The following ABTB2 variants were observed in gnomAD, a reference collection of about 807,000 sequenced individuals.
The protein encoded by ABTB2 is ankyrin repeat and BTB domain containing 2.
In ABTB2, 56 loss-of-function variants were observed where a neutral mutation model predicts 104.1. The ratio of observed to expected loss-of-function variants is 0.54; its 90% CI spans 0.43 to 0.67. The LOEUF is 0.67. ABTB2 is among the 30% of genes least tolerant of loss of function. The probability of loss-of-function intolerance (pLI) is 0.00; values close to 1 mark genes in which losing one functional copy is unlikely to be tolerated. For synonymous variants in ABTB2, 606 were observed against 608.2 expected (o/e 1.00, Z 0.05); for missense variants, 1,279 against 1,407.7 (o/e 0.91, Z 1.46).
intron 1 of ABTB2, among the ~76,000 whole-genome samples, chr11:34,208,806 C>T (rs142064418): frequency 6.6e-6 from 1 of 152,072 alleles, no homozygotes; most frequent in South Asian, 2.1e-4. Flanking sequence ...CATCAACCAC[C>T]AAGCCTTGCT....
At chr11:34,233,514 C>G (rs1181033307) in intron 1 of ABTB2, among the ~76,000 whole-genome samples, 2 of 152,028 alleles carry the variant, frequency 1.3e-5, no homozygotes, top group Admixed American at 1.3e-4. Flanking sequence ...CCACACCCAG[C>G]TAAGTTTCTA....
intron 11 of ABTB2, 103 bp downstream of exon 11, chr11:34,160,800 G>C: frequency 7.7e-7 from 1 of 1,292,518 alleles, no homozygotes; most frequent in South Asian, 1.4e-5. Flanking sequence ...TTGGGTGAGG[G>C]GGTCCCTGTG....
At chr11:34,199,129 C>A (rs1438677594) in intron 2 of ABTB2, among the ~76,000 whole-genome samples, 1 of 152,212 alleles carries the variant, frequency 6.6e-6, no homozygotes, top group East Asian at 1.9e-4. Context: ...ATTCACCTTA[C>A]ACATTCATTT....
At chr11:34,247,977 G>C (rs1854005278) in intron 1 of ABTB2, among the ~76,000 whole-genome samples, 1 of 152,020 alleles carries the variant, frequency 6.6e-6, no homozygotes, top group East Asian at 1.9e-4. Flanking sequence ...CAAGCACAGG[G>C]AGAAAGAATA....
intron 1 of ABTB2, among the ~76,000 whole-genome samples, chr11:34,342,726 G>A (rs953393154): frequency 3.3e-5 from 5 of 152,108 alleles, no homozygotes; most frequent in Admixed American, 2.6e-4. Flanking sequence ...CTCTGGCTGG[G>A]GAGGGAACAC....
At chr11:34,190,304 G>GGGTAAAT (rs1853158238) in intron 3 of ABTB2, among the ~76,000 whole-genome samples, 1 of 147,112 alleles carries the variant, frequency 6.8e-6, no homozygotes, top group African/African-American at 2.5e-5. Flanking sequence ...GAGATGCAGA[G>GGGTAAAT]GGTAAATGAC....
intron 1 of ABTB2, among the ~76,000 whole-genome samples, chr11:34,232,051 A>C (rs1853776156): frequency 6.6e-6 from 1 of 152,260 alleles, no homozygotes; most frequent in Non-Finnish European, 1.5e-5. Flanking sequence ...AAACTAAGGA[A>C]ATCCTAAAGA....
chr11:34,345,493 C>G (rs1855319630), intron 1 of ABTB2, among the ~76,000 whole-genome samples: 1 of 152,156 alleles, frequency 6.6e-6, no homozygotes, highest in Non-Finnish European at 1.5e-5. Context: ...GTAACCCAAA[C>G]AGAACTCCTG....
intron 7 of ABTB2, 102 bp from the exon 8 acceptor site, chr11:34,165,458 C>T (rs1852786892): frequency 1.1e-6 from 1 of 917,126 alleles, no homozygotes; most frequent in Admixed American, 2.6e-5. Context: ...TCTCTCCAGG[C>T]ATGTGACCAA....
intron 8 of ABTB2, 123 bp from the exon 9 acceptor site, chr11:34,164,944 C>G: frequency 8.3e-7 from 1 of 1,211,990 alleles, no homozygotes; most frequent in Non-Finnish European, 1.1e-6. Flanking sequence ...CAGTAAACCC[C>G]ACACTCATCT....
chr11:34,172,439 TAG>T lies in ABTB2; in HGVS notation c.1397+714_1397+715del, dbSNP rs201183101. ...ATATATGTGTGTGTGTGTGTGTATA[TAG>T]ATAGATAGATAGATAGATAGATAGA... is the stretch of plus-strand genomic sequence containing the variant. On this transcript the variant is annotated intron_variant, in intron 4 of 16. Coordinates refer to ENST00000435224, the MANE Select transcript of ABTB2 (RefSeq NM_145804.3). Among the ~76,000 whole-genome samples, 444 of 90,812 alleles carry T rather than the reference TAG, an allele frequency of 4.9e-3. 4 individuals carry two copies. The highest frequency in any genetic ancestry group is 0.016 in the African/African-American group (317 of 19,286). 59.6% of individuals were successfully genotyped at this position (90,812 alleles called of 152,430 possible). A position where few individuals can be genotyped will look rare whatever the true frequency, so the allele number is the denominator to read the frequency against.
At chr11:34,305,150 C>A (rs1756764913) in intron 1 of ABTB2, among the ~76,000 whole-genome samples, 1 of 152,188 alleles carries the variant, frequency 6.6e-6, no homozygotes, top group Admixed American at 6.5e-5. Context: ...CACATAAGTA[C>A]ACTTGATCTA....
Position 34,312,891 on chromosome 11 carries a change from C to T in ABTB2, c.883+43810G>A, listed in dbSNP as rs571265214. ...ACTATTCTCATTTTATAGGAGAAAT[C>T]GCCTCAGAAGGGGTAACTTGTGTTA... is the stretch of plus-strand genomic sequence containing the variant. On this transcript the variant is annotated intron_variant, in intron 1 of 16. Coordinates refer to ENST00000435224, the MANE Select transcript of ABTB2 (RefSeq NM_145804.3). 3.9e-5 allele frequency among the ~76,000 whole-genome samples: 6 copies of T among 152,160 alleles called. No individual in the cohort carries two copies. The East Asian group carries it at 7.7e-4, about 20-fold the overall frequency.
intron 1 of ABTB2, among the ~76,000 whole-genome samples, chr11:34,259,084 A>G (rs1854157949): frequency 6.6e-6 from 1 of 152,166 alleles, no homozygotes; most frequent in South Asian, 2.1e-4. Flanking sequence ...GTTTGCTGCT[A>G]TTGTTAATTC....
intron 1 of ABTB2, among the ~76,000 whole-genome samples, chr11:34,345,938 C>T (rs1416295629): frequency 3.9e-5 from 6 of 152,216 alleles, no homozygotes; most frequent in East Asian, 3.9e-4. Context: ...GTAGATGGGC[C>T]GGTTGGGGAA....
At chr11:34,254,486 C>T (rs535710871) in intron 1 of ABTB2, among the ~76,000 whole-genome samples, 1 of 151,762 alleles carries the variant, frequency 6.6e-6, no homozygotes, top group African/African-American at 2.4e-5. Flanking sequence ...ATCCTGGGCT[C>T]AAGTGATCCT....
chr11:34,308,131 G>C (rs190957502), intron 1 of ABTB2, among the ~76,000 whole-genome samples: 1 of 152,286 alleles, frequency 6.6e-6, no homozygotes, highest in Non-Finnish European at 1.5e-5. Flanking sequence ...CAGTAGCTCC[G>C]ACCTCCTAGG....
At chr11:34,343,739 G>A (rs370349173) in intron 1 of ABTB2, among the ~76,000 whole-genome samples, 15 of 152,208 alleles carry the variant, frequency 9.9e-5, no homozygotes, top group East Asian at 3.9e-4. Flanking sequence ...CTCCCAAAGC[G>A]TTGGGATTAC....
intron 3 of ABTB2, among the ~76,000 whole-genome samples, chr11:34,178,800 G>GC (rs757286068): frequency 1.3e-5 from 2 of 152,084 alleles, no homozygotes; most frequent in Non-Finnish European, 2.9e-5. Flanking sequence ...AATTGGTCGG[G>GC]CATGGCAGCT....
Sources: allele counts gnomAD v4.1 joint callset (sites outside exome capture counted in the v4.1 genomes callset), GRCh38; gene constraint gnomAD v4.1.1; transcripts MANE v1.5; gene names NCBI Gene and HGNC (gene_info 2026-07-23, HGNC 2026-07-21).